Variants in IGF1R observed in about 807,000 individuals in gnomAD.
The protein encoded by IGF1R is insulin-like growth factor 1 receptor.
IGF1R carries 44 observed loss-of-function variants against 144.6 expected under a neutral mutation model. The ratio of observed to expected loss-of-function variants is 0.30; its 90% CI spans 0.24 to 0.39. The LOEUF is 0.39. Ranked by LOEUF, IGF1R falls within the 10% of genes least tolerant of loss-of-function variation. The pLI is 1.00. For synonymous variants in IGF1R, 795 were observed against 722.8 expected (o/e 1.10, Z -1.60); for missense variants, 1,355 against 1,833.7 (o/e 0.74, Z 4.77).
intron 2 of IGF1R, among the ~76,000 whole-genome samples, chr15:98,744,293 G>C (rs1424501431): frequency 3.3e-5 from 5 of 151,924 alleles, no homozygotes; most frequent in Admixed American, 3.3e-4. Context: ...AGAGAGGAGG[G>C]TTTTAAGGAG....
rs753745798 is a variant in IGF1R at position 98,957,261 on chromosome 15, C to T, written c.3923C>T (p.Ser1308Leu). ...ATGGAGAGCGTCCCCCTGGACCCCT[C>T]GGCCTCCTCGTCCTCCCTGCCACTG... The part of the protein sequence containing the change: ...ENMESVPLDP[S>L]ASSSSLPLPD... Residue 1308 changes from serine to leucine, a missense_variant, in exon 21 of 21, where the codon TCG becomes TTG. This residue lies in a region of IGF1R where 219 missense variants were observed against 188.8 expected (regional missense o/e 1.16). Coordinates refer to ENST00000650285, the MANE Select transcript of IGF1R (RefSeq NM_000875.5). The T allele has an allele frequency of 9.9e-6, 16 of 1,613,944 alleles. No individual in the cohort carries two copies. Among genetic ancestry groups the T allele is most frequent in the East Asian group, 8.9e-5 (4 of 44,892 alleles).
chr15:98,815,641 CA>C (rs1260391038), intron 2 of IGF1R, among the ~76,000 whole-genome samples: 1 of 152,116 alleles, frequency 6.6e-6, no homozygotes, highest in African/African-American at 2.4e-5. Context: ...CCATTCACTC[CA>C]AATCTCTCAG....
In IGF1R at chr15:98,891,228, G is replaced by T; in HGVS notation, c.641-97G>T. On this transcript the variant is annotated intron_variant, in intron 2 of 20. Transcript: ENST00000650285. This position sits in a 1 kb window ranked among gnomAD's most constrained non-coding sequence, Gnocchi z 4.7. ...CCTCAATGAGTGATCTGGTGCTGGT[G>T]GTAGCAGTGAATGACCCAGAAGGAT... The T allele has an allele frequency of 9.3e-7, 1 of 1,076,000 alleles. No homozygotes were observed. Among genetic ancestry groups the T allele is most frequent in the African/African-American group, 1.6e-5 (1 of 64,244 alleles). 66.7% of individuals were successfully genotyped at this position (1,076,000 alleles called of 1,614,324 possible).
intron 2 of IGF1R, among the ~76,000 whole-genome samples, chr15:98,778,786 G>C (rs2055782703): frequency 6.6e-6 from 1 of 152,116 alleles, no homozygotes; most frequent in Non-Finnish European, 1.5e-5. Context: ...AGTGAGAGTG[G>C]GTGGATCACA....
At chr15:98,899,187 T>A (rs1596412438) in intron 4 of IGF1R, among the ~76,000 whole-genome samples, 2 of 152,346 alleles carry the variant, frequency 1.3e-5, no homozygotes, top group Admixed American at 1.3e-4. Context: ...CTTAGCTAAT[T>A]GGCAGTCTGG....
At chr15:98,781,699 T>G (rs1567126480) in intron 2 of IGF1R, among the ~76,000 whole-genome samples, 1 of 152,216 alleles carries the variant, frequency 6.6e-6, no homozygotes, top group Non-Finnish European at 1.5e-5. Context: ...TTTATCTACC[T>G]TGCATATTTT....
chr15:98,935,144 G>C lies in IGF1R; in HGVS notation c.3186+91G>C. ...TATGTTCTTGGCTGCATGTACCCGT[G>C]GGTTTGGTGTCTTGCCTTTGCCTTC... On this transcript the variant is annotated intron_variant, in intron 16 of 20. Coordinates refer to ENST00000650285, the MANE Select transcript of IGF1R (RefSeq NM_000875.5). The surrounding 1 kb of genome is among the most constrained non-coding windows in gnomAD (Gnocchi z 4.2). 8.6e-7 allele frequency: 1 copy of C among 1,161,634 alleles called. No individual in the cohort carries two copies. The highest frequency in any genetic ancestry group is 1.5e-5 in the African/African-American group (1 of 66,420). The allele number at this position is 1,161,634 out of a possible 1,614,324, so 72.0% of individuals were successfully genotyped here. A position where few individuals can be genotyped will look rare whatever the true frequency, so the allele number is the denominator to read the frequency against.
intron 2 of IGF1R, among the ~76,000 whole-genome samples, chr15:98,751,786 A>T (rs1260348871): frequency 2.0e-5 from 3 of 152,200 alleles, no homozygotes; most frequent in African/African-American, 7.2e-5. Context: ...TATGTGTGAA[A>T]TGTTCACATT....
chr15:98,665,216 G>A (rs2052706177), intron 1 of IGF1R, among the ~76,000 whole-genome samples: 1 of 152,180 alleles, frequency 6.6e-6, no homozygotes, highest in African/African-American at 2.4e-5. Flanking sequence ...CTCCCAAAGT[G>A]CTGGGATTAA....
intron 2 of IGF1R, among the ~76,000 whole-genome samples, chr15:98,751,631 C>G (rs74608819): frequency 6.6e-6 from 1 of 152,122 alleles, no homozygotes; most frequent in South Asian, 2.1e-4. Context: ...AATCTTTGTC[C>G]TTTATTTCAA....
intron 2 of IGF1R, among the ~76,000 whole-genome samples, chr15:98,738,509 C>G (rs1567103385): frequency 2.6e-5 from 4 of 152,198 alleles, no homozygotes; most frequent in Admixed American, 2.6e-4. Flanking sequence ...GCACCCCAGC[C>G]TGGGCAACAG....
At chr15:98,765,255 G>T (rs2055406446) in intron 2 of IGF1R, among the ~76,000 whole-genome samples, 1 of 149,214 alleles carries the variant, frequency 6.7e-6, no homozygotes, top group African/African-American at 2.5e-5. Flanking sequence ...GTTCTGAGAT[G>T]GATGTAAACT....
At chr15:98,796,550 C>T (rs898191174) in intron 2 of IGF1R, among the ~76,000 whole-genome samples, 1 of 152,274 alleles carries the variant, frequency 6.6e-6, no homozygotes, top group Admixed American at 6.5e-5. Context: ...ATACTTTTGT[C>T]GATCAAACAG....
intron 2 of IGF1R, among the ~76,000 whole-genome samples, chr15:98,755,732 A>AGC: frequency 2.4e-5 from 3 of 126,374 alleles, no homozygotes; most frequent in Non-Finnish European, 3.1e-5. Flanking sequence ...AAAAAAAAAA[A>AGC]AAAAAAAAAA....
intron 2 of IGF1R, among the ~76,000 whole-genome samples, chr15:98,746,418 C>T (rs936560852): frequency 8.5e-5 from 13 of 152,070 alleles, no homozygotes; most frequent in African/African-American, 2.9e-4. Flanking sequence ...GCAGACTTGC[C>T]GGAAAACCAA....
intron 2 of IGF1R, among the ~76,000 whole-genome samples, chr15:98,885,170 G>T (rs894430753): frequency 6.6e-6 from 1 of 152,132 alleles, no homozygotes; most frequent in Non-Finnish European, 1.5e-5. Context: ...TTGTCCTCAG[G>T]CTGTGAGCCC....
intron 2 of IGF1R, among the ~76,000 whole-genome samples, chr15:98,799,389 AC>A (rs2056315399): frequency 6.6e-6 from 1 of 150,552 alleles, no homozygotes; most frequent in Non-Finnish European, 1.5e-5. Flanking sequence ...AACCCAAACC[AC>A]CCTGGATTCC....
In IGF1R at chr15:98,834,257, C is replaced by T. The variant is rs115316919; in HGVS notation, c.641-57068C>T. On this transcript the variant is annotated intron_variant, in intron 2 of 20. Coordinates refer to ENST00000650285, the MANE Select transcript of IGF1R (RefSeq NM_000875.5). The stretch of plus-strand genomic sequence containing the variant: ...TTAGATCACCAGCATCACCATGGTG[C>T]CTGGCATCAGTGGAGCCTCAGCAAG... 3.8e-3 allele frequency among the ~76,000 whole-genome samples: 576 copies of T among 152,302 alleles called. 3 individuals carry two copies. Among genetic ancestry groups the T allele is most frequent in the African/African-American group, 0.013 (535 of 41,556 alleles).
chr15:98,922,219 C>A lies in IGF1R; in HGVS notation c.2273C>A (p.Thr758Lys). 6.2e-7 allele frequency: 1 copy of A among 1,614,198 alleles called. No individual in the cohort carries two copies. The highest frequency in any genetic ancestry group is 8.5e-7 in the Non-Finnish European group (1 of 1,180,024). The change falls in exon 11 of 21, where the codon ACG becomes AAG. Residue 758 changes from threonine to lysine, a missense_variant. Coordinates refer to ENST00000650285, the MANE Select transcript of IGF1R (RefSeq NM_000875.5). ...TTMSSRSRNTTAADTYNITDP... is the reference protein window; with the variant it reads ...TTMSSRSRNTKAADTYNITDP... Reference sequence around the variant, plus strand: ...ATGTCCAGCCGAAGCAGGAACACCACGGCCGCAGACACCTACAACATCACC... The same window carrying A: ...ATGTCCAGCCGAAGCAGGAACACCAAGGCCGCAGACACCTACAACATCACC...
Sources: allele counts gnomAD v4.1 joint callset (sites outside exome capture counted in the v4.1 genomes callset), GRCh38; gene constraint gnomAD v4.1.1; regional missense constraint gnomAD v4.1.1; non-coding constraint Gnocchi (gnomAD v3.1); transcripts MANE v1.5; gene names NCBI Gene and HGNC (gene_info 2026-07-23, HGNC 2026-07-21).